ANKRD36: variants seen among roughly 807,000 people sequenced by gnomAD.
ANKRD36 encodes ankyrin repeat domain-containing protein 36A.
In ANKRD36, 179 loss-of-function variants were observed where a neutral mutation model predicts 278.1. The observed-to-expected ratio is 0.64, with a 90% CI of 0.57 to 0.73. ANKRD36 has a LOEUF of 0.73. Among genes scored for constraint, ANKRD36 ranks in the 30% least tolerant of loss-of-function variants. ANKRD36 has a pLI of 0.00. For synonymous variants in ANKRD36, 320 were observed against 641.1 expected (o/e 0.50, Z 7.57); for missense variants, 1,159 against 1,956.7 (o/e 0.59, Z 7.69).
At chr2:97,188,210 G>C (rs1033292432) in intron 32 of ANKRD36, among the ~76,000 whole-genome samples, 1 of 151,746 alleles carries the variant, frequency 6.6e-6, no homozygotes, top group Non-Finnish European at 1.5e-5. Flanking sequence ...AACTTCTTTA[G>C]AGACTAACAT....
intron 68 of ANKRD36, among the ~76,000 whole-genome samples, chr2:97,237,909 G>GT (rs2073888946): frequency 6.6e-6 from 1 of 151,360 alleles, no homozygotes; most frequent in Non-Finnish European, 1.5e-5. Context: ...TTCCAGAAAT[G>GT]TTTTGTAGAA....
At chr2:97,242,638 G>A (rs1217818403) in intron 69 of ANKRD36, among the ~76,000 whole-genome samples, 2 of 143,602 alleles carry the variant, frequency 1.4e-5, no homozygotes, top group Non-Finnish European at 3.0e-5. Context: ...TAAAGACATC[G>A]AAAATGCTAT....
At chr2:97,223,193 C>T (rs535261233) in intron 66 of ANKRD36, among the ~76,000 whole-genome samples, 157 of 150,136 alleles carry the variant, frequency 1.0e-3, no homozygotes, top group African/African-American at 3.7e-3. Flanking sequence ...CTCCACCTCC[C>T]GGGTTAAAGC....
chr2:97,226,285 T>C (rs1387155867), intron 67 of ANKRD36, among the ~76,000 whole-genome samples: 1 of 152,090 alleles, frequency 6.6e-6, no homozygotes, highest in Admixed American at 6.6e-5. Flanking sequence ...CTCCAGCACC[T>C]GTTGTTTCCA....
intron 66 of ANKRD36, among the ~76,000 whole-genome samples, chr2:97,222,149 G>C (rs1004213086): frequency 6.6e-6 from 1 of 151,954 alleles, no homozygotes. Context: ...TTTCTGTTTT[G>C]GTACCAGTAC....
rs1258791883 is a variant in ANKRD36, at chr2:97,185,393, G to A, written c.1969-45G>A. ...TTGTATTAGTAACTGTATAGTCCATGAAACATACTTTCTTTATTGATAATT... is the reference window on the plus strand; with the variant it reads ...TTGTATTAGTAACTGTATAGTCCATAAAACATACTTTCTTTATTGATAATT... On this transcript the variant is annotated intron_variant, in intron 29 of 75. Coordinates refer to ENST00000420699, the MANE Select transcript of ANKRD36 (RefSeq NM_001354587.1). The A allele has an allele frequency of 2.5e-6, 4 of 1,608,488 alleles. No homozygotes were observed. In the South Asian group the frequency reaches 4.4e-5, roughly 18 times the overall value.
At position 97,113,879 on chromosome 2, in the gene ANKRD36, A is replaced by T. The variant is rs773141873; in HGVS notation, c.140A>T (p.Lys47Ile). Residue 47 changes from lysine to isoleucine, a missense_variant, in exon 1 of 76, where the codon AAA (lysine) becomes ATA (isoleucine). Coordinates refer to ENST00000420699, the MANE Select transcript of ANKRD36 (RefSeq NM_001354587.1). ...HRAVLHGNLE[K>I]LKYLLLTYYD... ...GCTGTCTTACATGGTAATCTAGAGA[A>T]ACTGAAGTACCTTCTGCTCACGTAT... 8.1e-6 allele frequency: 13 copies of T among 1,612,994 alleles called. No individual in the cohort carries two copies. In the Middle Eastern group the frequency reaches 1.2e-3, roughly 143 times the overall value.
At chr2:97,194,616 G>T in intron 38 of ANKRD36, 110 bp from the exon 39 acceptor site, 1 of 1,092,952 alleles carries the variant, frequency 9.1e-7, no homozygotes. Flanking sequence ...CCATCAAAGC[G>T]TACACTAATA....
intron 17 of ANKRD36, among the ~76,000 whole-genome samples, chr2:97,160,938 T>G (rs2048710533): frequency 6.6e-6 from 1 of 152,024 alleles, no homozygotes; most frequent in Admixed American, 6.6e-5. Flanking sequence ...CTGCATACAT[T>G]AAGAAAATAT....
intron 56 of ANKRD36, among the ~76,000 whole-genome samples, chr2:97,211,328 A>G (rs2064510794): frequency 6.6e-6 from 1 of 151,932 alleles, no homozygotes; most frequent in South Asian, 2.1e-4. Flanking sequence ...GACAAATCAT[A>G]GCATCTTTGA....
chr2:97,146,260 C>G (rs2153456438), intron 10 of ANKRD36, among the ~76,000 whole-genome samples: 1 of 147,704 alleles, frequency 6.8e-6, no homozygotes, highest in Admixed American at 6.9e-5. Flanking sequence ...ACCCACCGAG[C>G]CCTGCCTACA....
At chr2:97,180,665 A>G (rs2055916059) in intron 24 of ANKRD36, among the ~76,000 whole-genome samples, 1 of 151,642 alleles carries the variant, frequency 6.6e-6, no homozygotes, top group African/African-American at 2.4e-5. Flanking sequence ...AAACTTGCAT[A>G]TGAATACATT....
At position 97,122,952 on chromosome 2, in the gene ANKRD36, A is replaced by G; in HGVS notation, c.552A>G (p.Leu184=). ...AAGTGAAAATGGTGGAATTTTTATT[A>G]AAGAAAAAAGCAAATGTAAATGCCA... is the stretch of plus-strand genomic sequence containing the variant. ...RRKVKMVEFL[L]KKKANVNAID... is the part of the protein sequence containing the mutation. The change falls in exon 4 of 76, where the codon TTA becomes TTG. Residue 184 remains leucine, a synonymous_variant. Coordinates refer to ENST00000420699, the MANE Select transcript of ANKRD36 (RefSeq NM_001354587.1). 1 of 1,544,896 alleles carries G rather than the reference A, an allele frequency of 6.5e-7. No individual in the cohort carries two copies. Among genetic ancestry groups the G allele is most frequent in the Non-Finnish European group, 8.8e-7 (1 of 1,142,802 alleles).
intron 50 of ANKRD36, among the ~76,000 whole-genome samples, chr2:97,205,378 T>C (rs1388947013): frequency 6.6e-6 from 1 of 151,554 alleles, no homozygotes; most frequent in Non-Finnish European, 1.5e-5. Flanking sequence ...TAATGAATAT[T>C]ATGTACTAGG....
At chr2:97,207,553 G>T (rs1171053891) in intron 52 of ANKRD36, among the ~76,000 whole-genome samples, 1 of 151,484 alleles carries the variant, frequency 6.6e-6, no homozygotes, top group Non-Finnish European at 1.5e-5. Context: ...CGTTGATATT[G>T]ACACGGTTTT....
intron 67 of ANKRD36, among the ~76,000 whole-genome samples, chr2:97,228,425 G>C (rs1407267010): frequency 6.6e-6 from 1 of 152,132 alleles, no homozygotes; most frequent in Non-Finnish European, 1.5e-5. Flanking sequence ...TATTTGTGTA[G>C]AGGTGTTTGT....
intron 28 of ANKRD36, among the ~76,000 whole-genome samples, chr2:97,184,405 G>C (rs1349285774): frequency 6.6e-6 from 1 of 151,526 alleles, no homozygotes; most frequent in African/African-American, 2.4e-5. Context: ...TTTTTCCAAA[G>C]TGCTGGCTTT....
chr2:97,124,962 G>A (rs1399234548), intron 5 of ANKRD36, among the ~76,000 whole-genome samples: 2 of 151,882 alleles, frequency 1.3e-5, no homozygotes, highest in African/African-American at 4.8e-5. Context: ...GTCTCAAAAT[G>A]TCCAGTTTAT....
intron 6 of ANKRD36, among the ~76,000 whole-genome samples, chr2:97,141,023 AG>A (rs1157363782): frequency 2.6e-5 from 4 of 151,784 alleles, no homozygotes; most frequent in Non-Finnish European, 5.9e-5. Context: ...CGTTCACATC[AG>A]TTAGCATATT....
Sources: gnomAD v4.1 joint callset for allele counts (sites outside exome capture counted in the v4.1 genomes callset) on GRCh38, gnomAD v4.1.1 for gene constraint, MANE v1.5 for transcripts, NCBI Gene and HGNC (gene_info 2026-07-23, HGNC 2026-07-21) for gene names.